ALDH1L1: variants seen among roughly 807,000 people sequenced by gnomAD.
The protein encoded by ALDH1L1 is cytosolic 10-formyltetrahydrofolate dehydrogenase.
A neutral mutation model predicts 101.1 loss-of-function variants in ALDH1L1; 68 were observed. The observed-to-expected ratio is 0.67, with a 90% CI of 0.55 to 0.82. The LOEUF (loss-of-function observed/expected upper bound fraction) is 0.82, where lower values mean the gene tolerates loss of function less well. Ranked by LOEUF, ALDH1L1 falls within the 40% of genes least tolerant of loss-of-function variation. The pLI, the probability that ALDH1L1 is intolerant of heterozygous loss-of-function variation, is 0.00. For missense variants in ALDH1L1, 1,087 were observed against 1,172.7 expected, an observed-to-expected ratio of 0.93 and a Z score of 1.07; for synonymous variants, 486 against 470.8, an observed-to-expected ratio of 1.03 and a Z score of -0.42.
intron 14 of ALDH1L1, chr3:126,129,646 T>G (rs1295220573): frequency 6.6e-6 from 1 of 152,320 alleles, no homozygotes; most frequent in Non-Finnish European, 1.5e-5. Flanking sequence ...TGTGAGTAAC[T>G]CACCAGGACT....
chr3:126,124,593 G>C, intron 15 of ALDH1L1, 142 bp from the exon 16 acceptor site: 1 of 709,644 alleles, frequency 1.4e-6, no homozygotes. Context: ...GAAGACCCCA[G>C]GAAAGCCACC....
intron 12 of ALDH1L1, 21 bp from the exon 13 acceptor site, chr3:126,131,555 C>T (rs761358424): frequency 1.6e-5 from 26 of 1,593,620 alleles, no homozygotes; most frequent in African/African-American, 2.7e-5. Context: ...TGAGGGGAAG[C>T]GGGAGGTGGG....
rs549149167 is a variant in ALDH1L1, at chr3:126,190,565, C to T, written c.-24+7170G>A. Among the ~76,000 whole-genome samples, 4 of 152,310 alleles carry T rather than the reference C, an allele frequency of 2.6e-5. No individual in the cohort carries two copies. The East Asian group carries it at 7.7e-4, about 29-fold the overall frequency. ...CTGCACTGTTTATTAAGTAAGTCAT[C>T]ATAGAGGAGCTGACTTTGATCAATC... On this transcript the variant is annotated intron_variant, in intron 1 of 2. Coordinates refer to the ALDH1L1 transcript ENST00000509952.
At chr3:126,153,280 G>T in intron 7 of ALDH1L1, 164 bp downstream of exon 7, 1 of 1,076,754 alleles carries the variant, frequency 9.3e-7, no homozygotes, top group Non-Finnish European at 1.4e-6. Flanking sequence ...CTGTGCTCAG[G>T]ACCAGCCGGG....
chr3:126,155,818 GCTGT>G (rs71961210), intron 4 of ALDH1L1: 5,372 of 202,780 alleles, frequency 0.026, 238 homozygotes, highest in African/African-American at 0.099. Context: ...TGTCCATGTT[GCTGT>G]CTAAGCCTTC....
intron 17 of ALDH1L1, chr3:126,115,508 A>C: frequency 6.4e-6 from 1 of 156,798 alleles, no homozygotes; most frequent in Non-Finnish European, 1.4e-5. Context: ...TTTTTTAATA[A>C]ATTTTACTGT....
chr3:126,118,854 G>A (rs1030091724), intron 16 of ALDH1L1, among the ~76,000 whole-genome samples: 5 of 151,944 alleles, frequency 3.3e-5, no homozygotes, highest in South Asian at 4.2e-4. Context: ...TTCCTGCCCC[G>A]TCCCACGCCC....
At chr3:126,171,428 A>C (rs1346427854) in intron 1 of ALDH1L1, among the ~76,000 whole-genome samples, 1 of 151,764 alleles carries the variant, frequency 6.6e-6, no homozygotes, top group Non-Finnish European at 1.5e-5. Flanking sequence ...CCTCTGATAA[A>C]CTCTCCCATC....
At chr3:126,130,633 G>C (rs955696559) in intron 13 of ALDH1L1, among the ~76,000 whole-genome samples, 2 of 152,226 alleles carry the variant, frequency 1.3e-5, no homozygotes, top group East Asian at 1.9e-4. Context: ...CCAGGCCTTG[G>C]GGGGTCCAGC....
At chr3:126,173,815 G>A (rs983146474) in intron 1 of ALDH1L1, among the ~76,000 whole-genome samples, 2 of 152,168 alleles carry the variant, frequency 1.3e-5, no homozygotes, top group African/African-American at 2.4e-5. Flanking sequence ...ATTAACTTCA[G>A]ATAAAGCAGA....
At chr3:126,124,297 C>T (rs1309546970) in intron 16 of ALDH1L1, 67 bp downstream of exon 16, 8 of 1,415,242 alleles carry the variant, frequency 5.7e-6, no homozygotes, top group East Asian at 2.5e-5. Flanking sequence ...TCCAGTAGGG[C>T]CTGCTCTGCC....
Position 126,157,393 on chromosome 3 carries a change from C to A in ALDH1L1, c.478G>T (p.Val160Leu). Residue 160 changes from valine to leucine, a missense_variant, in exon 4 of 23, where the codon GTG becomes TTG. Physicochemically the swap from Val to Leu is conservative, Grantham distance 32. Transcript: ENST00000393434. ...AGGAAGCGGTTGTACAGCGTGCTCACGGTGTCGTCCGGGAGCACCTCACAC... is the reference window on the plus strand; with the variant it reads ...AGGAAGCGGTTGTACAGCGTGCTCAAGGTGTCGTCCGGGAGCACCTCACAC... The part of the protein sequence containing the change: ...KECEVLPDDT[V>L]STLYNRFLFP... 3 of 1,614,084 alleles carry A rather than the reference C, an allele frequency of 1.9e-6. No individual in the cohort carries two copies. The highest frequency in any genetic ancestry group is 1.7e-6 in the Non-Finnish European group (2 of 1,180,004).
intron 17 of ALDH1L1, 41 bp downstream of exon 17, chr3:126,117,964 C>A: frequency 6.4e-7 from 1 of 1,562,586 alleles, no homozygotes. Flanking sequence ...CCAGGCGCAG[C>A]CCACAGCAGC....
In ALDH1L1 at chr3:126,154,654, C is replaced by T. The variant is rs772606992; in HGVS notation, c.631-11G>A. On this transcript the variant is annotated splice_polypyrimidine_tract_variant and intron_variant, in intron 5 of 22. Transcript: ENST00000393434. ...CTGGTCCCAGTTGATCTGTGGGGAG[C>T]AAGGTGTGTGTGCTCAGCTGGTCTC... The T allele has an allele frequency of 6.2e-6, 10 of 1,613,700 alleles. No homozygotes were observed. Among genetic ancestry groups the T allele is most frequent in the Non-Finnish European group, 8.5e-6 (10 of 1,179,742 alleles).
chr3:126,121,742 A>G (rs752496349), intron 16 of ALDH1L1, among the ~76,000 whole-genome samples: 1 of 152,262 alleles, frequency 6.6e-6, no homozygotes, highest in Admixed American at 6.5e-5. Context: ...CTGAAGGCAC[A>G]GTCTGCTCCC....
rs769933075 is a variant in ALDH1L1, at chr3:126,155,517, G to T, written c.529-14C>A. 2.5e-6 allele frequency: 4 copies of T among 1,603,918 alleles called. No homozygotes were observed. In the South Asian group the frequency reaches 4.5e-5, roughly 18 times the overall value. The stretch of plus-strand genomic sequence containing the variant: ...CACGGCCTGCACCTGGGGAGATCCA[G>T]TGGGTTGCTATCCCCAGCAATAGGA... On this transcript the variant is annotated splice_polypyrimidine_tract_variant and intron_variant, in intron 4 of 22. Transcript: ENST00000393434.
Position 126,126,529 on chromosome 3 carries a change from G to A in ALDH1L1, c.1695-808C>T, listed in dbSNP as rs530651550. Among the ~76,000 whole-genome samples, 36 of 152,276 alleles carry A rather than the reference G, an allele frequency of 2.4e-4. 1 individual carries two copies. Among genetic ancestry groups the A allele is most frequent in the African/African-American group, 7.0e-4 (29 of 41,554 alleles). Reference sequence around the variant, plus strand: ...CAGACACAGGCGGTGGGCAGGACCCGTGTGAGGCATCAGGGGGGAGCAGCA... The same window carrying A: ...CAGACACAGGCGGTGGGCAGGACCCATGTGAGGCATCAGGGGGGAGCAGCA... On this transcript the variant is annotated intron_variant, in intron 14 of 22. Coordinates refer to ENST00000393434, the MANE Select transcript of ALDH1L1 (RefSeq NM_012190.4).
intron 13 of ALDH1L1, among the ~76,000 whole-genome samples, chr3:126,131,122 G>A (rs948584324): frequency 4.6e-5 from 7 of 152,228 alleles, no homozygotes; most frequent in African/African-American, 9.6e-5. Flanking sequence ...CTGGATGCAG[G>A]TTCTGTCCCA....
At chr3:126,106,061 G>A in intron 21 of ALDH1L1, 136 bp from the exon 22 acceptor site, 1 of 900,054 alleles carries the variant, frequency 1.1e-6, no homozygotes, top group South Asian at 1.7e-5. Flanking sequence ...GCAGCGCCGG[G>A]GGCAAGATTG....
Sources: allele counts gnomAD v4.1 joint callset (sites outside exome capture counted in the v4.1 genomes callset), GRCh38; gene constraint gnomAD v4.1.1; transcripts MANE v1.5; gene names NCBI Gene and HGNC (gene_info 2026-07-23, HGNC 2026-07-21).